Variants in COMMD10 observed in about 807,000 individuals in gnomAD.
The protein encoded by COMMD10 is COMM domain-containing protein 10.
COMMD10 carries 33 observed loss-of-function variants against 28.9 expected under a neutral mutation model. The ratio of observed to expected loss-of-function variants is 1.14; its 90% CI spans 0.87 to 1.53. The LOEUF (loss-of-function observed/expected upper bound fraction) is 1.53, where lower values mean the gene tolerates loss of function less well. Among genes scored for constraint, COMMD10 ranks in the 40% most tolerant of loss-of-function variants. COMMD10 has a pLI of 0.00. For synonymous variants in COMMD10, 110 were observed against 81.7 expected, an observed-to-expected ratio of 1.35 and a Z score of -1.87; for missense variants, 310 against 233.4, an observed-to-expected ratio of 1.33 and a Z score of -2.14.
intron 5 of COMMD10, among the ~76,000 whole-genome samples, chr5:116,195,955 G>A (rs183761554): frequency 2.0e-5 from 3 of 152,266 alleles, no homozygotes; most frequent in African/African-American, 7.2e-5. Flanking sequence ...CATGGATGCA[G>A]TGATCAGGAA....
At chr5:116,236,358 G>A (rs1749660930) in intron 5 of COMMD10, among the ~76,000 whole-genome samples, 1 of 151,932 alleles carries the variant, frequency 6.6e-6, no homozygotes, top group African/African-American at 2.4e-5. Context: ...ACAAAAATTA[G>A]CTGGTCATGG....
At chr5:116,183,318 A>G (rs933429097) in intron 5 of COMMD10, among the ~76,000 whole-genome samples, 1 of 152,140 alleles carries the variant, frequency 6.6e-6, no homozygotes, top group African/African-American at 2.4e-5. Flanking sequence ...AAACCTAAAG[A>G]ACTTAGCAGA....
chr5:116,088,881 C>T (rs1035329629), intron 2 of COMMD10, among the ~76,000 whole-genome samples: 5 of 152,262 alleles, frequency 3.3e-5, no homozygotes, highest in Middle Eastern at 6.8e-3. Context: ...AATGTGTCTT[C>T]CTCTGGTTTT....
intron 5 of COMMD10, among the ~76,000 whole-genome samples, chr5:116,215,837 A>G (rs1410969515): frequency 1.3e-5 from 2 of 150,612 alleles, no homozygotes; most frequent in Non-Finnish European, 3.0e-5. Context: ...CTTGTAATCA[A>G]TGTGGAGTCT....
chr5:116,262,887 T>C (rs1259976332), intron 5 of COMMD10, among the ~76,000 whole-genome samples: 8 of 151,680 alleles, frequency 5.3e-5, no homozygotes, highest in Non-Finnish European at 1.0e-4. Context: ...CTATTGTTCC[T>C]TTTTAAAAAA....
At chr5:116,216,995 A>G (rs72804891) in intron 5 of COMMD10, among the ~76,000 whole-genome samples, 7,997 of 152,224 alleles carry the variant, frequency 0.053, 290 homozygotes, top group East Asian at 0.14. Context: ...TAGATTTTTA[A>G]ATAGGTCATT....
chr5:116,119,119 G>GA (rs150252229), intron 4 of COMMD10, among the ~76,000 whole-genome samples: 344 of 150,636 alleles, frequency 2.3e-3, no homozygotes, highest in Non-Finnish European at 3.4e-3. Context: ...CAAACAATTT[G>GA]AAAAAAAAAT....
intron 5 of COMMD10, among the ~76,000 whole-genome samples, chr5:116,219,023 G>A (rs1749176078): frequency 6.6e-6 from 1 of 152,108 alleles, no homozygotes; most frequent in African/African-American, 2.4e-5. Context: ...TATGACTGGT[G>A]TCTTTGTAAG....
chr5:116,094,269 G>C (rs142954544), intron 4 of COMMD10, among the ~76,000 whole-genome samples: 11 of 152,238 alleles, frequency 7.2e-5, no homozygotes, highest in African/African-American at 2.4e-4. Flanking sequence ...ACAAACTATT[G>C]ACTTAGCAAA....
chr5:116,241,781 T>C (rs1464694344), intron 5 of COMMD10, among the ~76,000 whole-genome samples: 1 of 151,816 alleles, frequency 6.6e-6, no homozygotes. Flanking sequence ...CCCAGCTAAT[T>C]TTTTGTATTT....
intron 5 of COMMD10, among the ~76,000 whole-genome samples, chr5:116,206,277 A>G (rs1162414785): frequency 1.3e-5 from 2 of 152,194 alleles, no homozygotes; most frequent in African/African-American, 4.8e-5. Flanking sequence ...GAGTTGAAAC[A>G]GCAGTTTCCA....
At chr5:116,150,074 T>C (rs914944756) in intron 5 of COMMD10, among the ~76,000 whole-genome samples, 11 of 152,188 alleles carry the variant, frequency 7.2e-5, no homozygotes, top group African/African-American at 2.7e-4. Context: ...TTTCTACATA[T>C]GGCTAGCCAG....
rs72808926 is a variant in COMMD10 at position 116,290,510 on chromosome 5, G to T, written c.511-1007G>T. Among the ~76,000 whole-genome samples the T allele has an allele frequency of 2.9e-3, 442 of 151,990 alleles. 5 individuals are homozygous for T. The highest frequency in any genetic ancestry group is 4.0e-3 in the Non-Finnish European group (273 of 68,018). ...GAATTAGTTGGAGATAATTTGGTTT[G>T]AAATGTCGGCTTTGTAAATAGAAAT... On this transcript the variant is annotated intron_variant, in intron 5 of 6. Transcript: ENST00000274458.
intron 5 of COMMD10, among the ~76,000 whole-genome samples, chr5:116,169,412 C>G (rs555942596): frequency 3.9e-5 from 6 of 152,218 alleles, no homozygotes; most frequent in South Asian, 2.1e-4. Flanking sequence ...TGAATTCTAC[C>G]AGAGATACAA....
intron 3 of COMMD10, among the ~76,000 whole-genome samples, chr5:116,092,315 G>A (rs532186499): frequency 6.6e-6 from 1 of 152,228 alleles, no homozygotes; most frequent in South Asian, 2.1e-4. Flanking sequence ...TAAAGCATAG[G>A]TAAGAGTGAG....
chr5:116,123,324 A>G (rs1025605342), intron 4 of COMMD10, among the ~76,000 whole-genome samples: 10 of 152,152 alleles, frequency 6.6e-5, no homozygotes, highest in Admixed American at 4.6e-4. Flanking sequence ...CTACTGAGAT[A>G]ATCATGTGGT....
intron 5 of COMMD10, among the ~76,000 whole-genome samples, chr5:116,138,713 G>A (rs1450698123): frequency 2.6e-5 from 4 of 151,424 alleles, no homozygotes; most frequent in Admixed American, 6.6e-5. Flanking sequence ...TAATCAGATT[G>A]CAGAAAGTAC....
chr5:116,228,870 A>G (rs1358540814), intron 5 of COMMD10, among the ~76,000 whole-genome samples: 2 of 152,058 alleles, frequency 1.3e-5, no homozygotes, highest in Non-Finnish European at 2.9e-5. Flanking sequence ...AATTACTGAA[A>G]TAAATAAGCA....
chr5:116,194,067 C>G (rs1361264079), intron 5 of COMMD10, among the ~76,000 whole-genome samples: 2 of 152,076 alleles, frequency 1.3e-5, no homozygotes, highest in African/African-American at 4.8e-5. Context: ...CCTGAATGAG[C>G]ATTGGGTCAA....
Sources: allele counts gnomAD v4.1 joint callset (sites outside exome capture counted in the v4.1 genomes callset), GRCh38; gene constraint gnomAD v4.1.1; transcripts MANE v1.5; gene names NCBI Gene and HGNC (gene_info 2026-07-23, HGNC 2026-07-21).